Variants in STXBP4 observed in about 807,000 individuals in gnomAD.
STXBP4 encodes the protein syntaxin binding protein 4.
STXBP4 carries 55 observed loss-of-function variants against 76.1 expected under a neutral mutation model. That is an observed-to-expected ratio of 0.72 (90% CI 0.58 to 0.91). STXBP4 has a LOEUF of 0.91. Among genes scored for constraint, STXBP4 ranks in the 40% least tolerant of loss-of-function variants. The pLI, the probability that STXBP4 is intolerant of heterozygous loss-of-function variation, is 0.00. For missense variants in STXBP4, 618 were observed against 636.9 expected (o/e 0.97, Z 0.32); for synonymous variants, 201 against 220.2 (o/e 0.91, Z 0.77).
chr17:55,051,358 T>C (rs910757167), intron 12 of STXBP4, among the ~76,000 whole-genome samples: 10 of 152,124 alleles, frequency 6.6e-5, no homozygotes, highest in Non-Finnish European at 1.2e-4. Flanking sequence ...TTCAAGCAAC[T>C]AGTGAATGCA....
In STXBP4 at chr17:55,108,459, A is replaced by G. The variant is rs184230003; in HGVS notation, c.1489+27276A>G. On this transcript the variant is annotated intron_variant, in intron 16 of 17. Coordinates refer to ENST00000376352, the MANE Select transcript of STXBP4 (RefSeq NM_178509.6). Reference sequence around the variant, plus strand: ...GTTCCAGCTGCCATTGGGGTGTGAAAAAAAACTCCTGCAACTAGCTCAGTG... The same window carrying G: ...GTTCCAGCTGCCATTGGGGTGTGAAGAAAAACTCCTGCAACTAGCTCAGTG... Among the ~76,000 whole-genome samples the G allele has an allele frequency of 3.1e-3, 473 of 152,182 alleles. 2 individuals are homozygous for G. Among genetic ancestry groups the G allele is most frequent in the Non-Finnish European group, 3.3e-3 (222 of 68,022 alleles).
At chr17:55,133,081 C>T (rs1184030797) in intron 16 of STXBP4, among the ~76,000 whole-genome samples, 1 of 151,548 alleles carries the variant, frequency 6.6e-6, no homozygotes, top group Non-Finnish European at 1.5e-5. Flanking sequence ...ATGATGCTGC[C>T]TACTAGTTTG....
At chr17:55,208,128 C>T in the STXBP4 span, among the ~76,000 whole-genome samples, 1 of 151,122 alleles carries the variant, frequency 6.6e-6, no homozygotes, top group African/African-American at 2.4e-5. Context: ...ACAGCCTTTT[C>T]ACAGATGAGG....
At chr17:54,988,335 G>T (rs910541543) in intron 3 of STXBP4, among the ~76,000 whole-genome samples, 1 of 152,168 alleles carries the variant, frequency 6.6e-6, no homozygotes, top group Non-Finnish European at 1.5e-5. Flanking sequence ...GAGATTGTTT[G>T]TGCCCCCAGT....
intron 16 of STXBP4, among the ~76,000 whole-genome samples, chr17:55,135,505 A>G (rs912980099): frequency 6.6e-6 from 1 of 152,140 alleles, no homozygotes; most frequent in Non-Finnish European, 1.5e-5. Context: ...TTCAGAAAAT[A>G]TATACATTTT....
At chr17:55,179,944 T>C in the STXBP4 span, among the ~76,000 whole-genome samples, 19 of 152,174 alleles carry the variant, frequency 1.2e-4, no homozygotes, top group Non-Finnish European at 2.6e-4. Flanking sequence ...TATATATCTA[T>C]ACCACAAAAT....
intron 1 of STXBP4, among the ~76,000 whole-genome samples, chr17:54,984,669 G>A (rs1248353715): frequency 6.6e-6 from 1 of 152,026 alleles, no homozygotes; most frequent in African/African-American, 2.4e-5. Context: ...TTTAAGATAT[G>A]TTCCTCCTGC....
At chr17:55,081,459 A>C (rs1375358539) in intron 16 of STXBP4, among the ~76,000 whole-genome samples, 1 of 152,212 alleles carries the variant, frequency 6.6e-6, no homozygotes, top group Non-Finnish European at 1.5e-5. Flanking sequence ...GCAGCACTGG[A>C]AACTGGAGGA....
rs1215061024 is a variant in STXBP4, at chr17:55,016,953, GC to G, written c.666+9358del. On this transcript the variant is annotated intron_variant, in intron 8 of 17. Coordinates refer to ENST00000376352, the MANE Select transcript of STXBP4 (RefSeq NM_178509.6). ...AAGCAGTTGCCACTACAGGCTGAAT[GC>G]CTCTGGGCCGTCCGTGGGTTACTGG... Among the ~76,000 whole-genome samples the G allele has an allele frequency of 2.0e-5, 3 of 152,128 alleles. No homozygotes were observed. The East Asian group carries it at 5.8e-4, about 29-fold the overall frequency.
At chr17:55,079,064 TG>T (rs1440007608) in intron 15 of STXBP4, among the ~76,000 whole-genome samples, 3 of 152,338 alleles carry the variant, frequency 2.0e-5, no homozygotes, top group South Asian at 4.1e-4. Flanking sequence ...TCAAAGTTAC[TG>T]GTCACAGGTT....
intron 7 of STXBP4, among the ~76,000 whole-genome samples, chr17:55,001,845 G>A (rs1419687029): frequency 6.6e-6 from 1 of 152,140 alleles, no homozygotes; most frequent in Non-Finnish European, 1.5e-5. Flanking sequence ...TGTTAGCCAG[G>A]ATGGTCTCGA....
intron 16 of STXBP4, among the ~76,000 whole-genome samples, chr17:55,100,275 T>C (rs953364228): frequency 6.6e-6 from 1 of 152,248 alleles, no homozygotes; most frequent in Admixed American, 6.5e-5. Context: ...TTGTTTTGTC[T>C]TGTTTTGTTT....
intron 1 of STXBP4, among the ~76,000 whole-genome samples, chr17:54,984,830 G>GT (rs1291830401): frequency 6.6e-6 from 1 of 152,072 alleles, no homozygotes; most frequent in African/African-American, 2.4e-5. Flanking sequence ...CTTAAAAAAT[G>GT]TTTAAGAAGC....
chr17:55,175,249 AC>A (rs1228305201), downstream of STXBP4, among the ~76,000 whole-genome samples: 2 of 152,198 alleles, frequency 1.3e-5, no homozygotes, highest in Admixed American at 6.5e-5. Context: ...ATGTATAGAT[AC>A]CAAATCTGCT....
chr17:55,169,299 T>C lies in STXBP4; in HGVS notation c.*9388T>C, dbSNP rs1413359999. On this transcript the variant is annotated 3_prime_UTR_variant, in exon 18 of 18. Transcript: ENST00000376352. ...CCCTAGAGACAAAAAGGTTCTACAGTAGGTTCAAGTCAGAGGCCAGAGAAC... is the reference window on the plus strand; with the variant it reads ...CCCTAGAGACAAAAAGGTTCTACAGCAGGTTCAAGTCAGAGGCCAGAGAAC... The C allele has an allele frequency of 1.4e-5, 2 of 142,306 alleles. No individual in the cohort carries two copies. Among genetic ancestry groups the C allele is most frequent in the East Asian group, 4.2e-4 (2 of 4,814 alleles). 8.8% of individuals were successfully genotyped at this position (142,306 alleles called of 1,614,324 possible). A position where few individuals can be genotyped will look rare whatever the true frequency, so the allele number is the denominator to read the frequency against.
At position 55,112,776 on chromosome 17, in the gene STXBP4, C is replaced by A. The variant is rs530837501; in HGVS notation, c.1490-28534C>A. Among the ~76,000 whole-genome samples, 7 of 152,110 alleles carry A rather than the reference C, an allele frequency of 4.6e-5. No homozygotes were observed. In the South Asian group the frequency reaches 1.2e-3, roughly 27 times the overall value. On this transcript the variant is annotated intron_variant, in intron 16 of 17. Coordinates refer to ENST00000376352, the MANE Select transcript of STXBP4 (RefSeq NM_178509.6). ...ATATAACAGGAGTGGGAGGAGAACT[C>A]ATTTGGGACAGTTCAGAGGAGGAAG...
chr17:55,129,073 A>G (rs544413095), intron 16 of STXBP4, among the ~76,000 whole-genome samples: 1 of 151,274 alleles, frequency 6.6e-6, no homozygotes, highest in East Asian at 2.0e-4. Flanking sequence ...GGGACTACAG[A>G]CACTCGCCAC....
At chr17:54,969,670 C>T (rs1385106212) in intron 1 of STXBP4, among the ~76,000 whole-genome samples, 2 of 152,158 alleles carry the variant, frequency 1.3e-5, no homozygotes, top group Non-Finnish European at 2.9e-5. Flanking sequence ...TTTCTAATGG[C>T]CAGAGCAGGT....
chr17:55,066,949 GT>G (rs1486934842), intron 12 of STXBP4, among the ~76,000 whole-genome samples: 1 of 152,138 alleles, frequency 6.6e-6, no homozygotes, highest in Non-Finnish European at 1.5e-5. Context: ...GTTTATGATT[GT>G]TATTTTAATT....
Sources: allele counts gnomAD v4.1 joint callset (sites outside exome capture counted in the v4.1 genomes callset), GRCh38; gene constraint gnomAD v4.1.1; transcripts MANE v1.5; gene names NCBI Gene and HGNC (gene_info 2026-07-23, HGNC 2026-07-21).